The following NEBL variants were observed in gnomAD, a reference collection of about 807,000 sequenced individuals.
NEBL encodes LIM and SH3 protein 2.
Under a neutral mutation model 140.2 loss-of-function variants are expected in NEBL, and 122 were observed. The observed-to-expected ratio is 0.87, with a 90% CI of 0.75 to 1.01. The LOEUF (loss-of-function observed/expected upper bound fraction) is 1.01. Among genes scored for constraint, NEBL ranks in the 50% least tolerant of loss-of-function variants. NEBL has a pLI of 0.00. For missense variants in NEBL, 1,365 were observed against 1,231.3 expected, an observed-to-expected ratio of 1.11 and a Z score of -1.62; for synonymous variants, 436 against 398.9, an observed-to-expected ratio of 1.09 and a Z score of -1.11.
chr10:21,021,422 T>C (rs1032295479), intron 2 of NEBL, among the ~76,000 whole-genome samples: 1 of 152,332 alleles, frequency 6.6e-6, no homozygotes, highest in East Asian at 1.9e-4. Context: ...AAGGCCCCCA[T>C]GGCCAGGCCT....
At chr10:21,234,918 A>G (rs1842328321) in intron 3 of NEBL, among the ~76,000 whole-genome samples, 1 of 152,232 alleles carries the variant, frequency 6.6e-6, no homozygotes, top group South Asian at 2.1e-4. Flanking sequence ...ACGGTGAGAT[A>G]TAACCAACAC....
At chr10:21,020,649 C>T (rs1838752365) in intron 2 of NEBL, among the ~76,000 whole-genome samples, 16 of 152,150 alleles carry the variant, frequency 1.1e-4, no homozygotes, top group Admixed American at 8.5e-4. Flanking sequence ...TTCTCTTGCC[C>T]GTTATAATGA....
intron 4 of NEBL, among the ~76,000 whole-genome samples, chr10:20,934,631 G>C (rs568255443): frequency 6.6e-6 from 1 of 152,080 alleles, no homozygotes; most frequent in African/African-American, 2.4e-5. Flanking sequence ...CACTGGATAC[G>C]AGAGGTGCTA....
chr10:21,053,064 T>A (rs1266323521), intron 2 of NEBL, among the ~76,000 whole-genome samples: 2 of 152,230 alleles, frequency 1.3e-5, no homozygotes, highest in Non-Finnish European at 2.9e-5. Context: ...AATGCCTTGA[T>A]TTGATCACTA....
chr10:21,196,144 C>T (rs375653583), intron 3 of NEBL, among the ~76,000 whole-genome samples: 25 of 151,956 alleles, frequency 1.6e-4, no homozygotes, highest in Admixed American at 1.4e-3. Context: ...GCTGGGATTA[C>T]AGGCACGCAC....
At chr10:21,004,564 C>A (rs756042214) in intron 3 of NEBL, among the ~76,000 whole-genome samples, 4 of 152,000 alleles carry the variant, frequency 2.6e-5, no homozygotes, top group Admixed American at 2.6e-4. Flanking sequence ...ACTAAAAATA[C>A]AAAAAATCAG....
intron 2 of NEBL, among the ~76,000 whole-genome samples, chr10:21,139,760 C>T (rs775940353): frequency 4.6e-5 from 7 of 152,058 alleles, no homozygotes; most frequent in African/African-American, 9.7e-5. Context: ...TGGGAAGGTA[C>T]GGAATTAAAT....
chr10:20,978,343 G>T (rs1387146310), intron 3 of NEBL, among the ~76,000 whole-genome samples: 6 of 151,760 alleles, frequency 4.0e-5, no homozygotes, highest in Admixed American at 1.3e-4. Context: ...CCGAAGAATA[G>T]AGAGCTTATT....
chr10:20,867,577 T>C (rs940549119), intron 7 of NEBL, among the ~76,000 whole-genome samples: 7 of 152,178 alleles, frequency 4.6e-5, no homozygotes, highest in Non-Finnish European at 8.8e-5. Flanking sequence ...TTTCTGGTCT[T>C]GCTTAAGAAC....
chr10:20,916,247 A>C (rs1207935848), intron 4 of NEBL, among the ~76,000 whole-genome samples: 1 of 152,230 alleles, frequency 6.6e-6, no homozygotes. Context: ...TCTGAAAAAC[A>C]ACTATACCTG....
Position 20,783,241 on chromosome 10 carries a change from C to A in NEBL, c.*2506G>T, listed in dbSNP as rs1835147049. 1 of 152,094 alleles carries A rather than the reference C, an allele frequency of 6.6e-6. No homozygotes were observed. The highest frequency in any genetic ancestry group is 2.1e-4 in the South Asian group (1 of 4,826). The allele number at this position is 152,094 out of a possible 1,614,324, so 9.4% of individuals were successfully genotyped here. The stretch of plus-strand genomic sequence containing the variant: ...TTATACATATAATTTTCCAATATTT[C>A]TCCTGAGATGCTTAACATCCTGACA... On this transcript the variant is annotated 3_prime_UTR_variant, in exon 28 of 28. Coordinates refer to ENST00000377122, the MANE Select transcript of NEBL (RefSeq NM_006393.3).
At chr10:21,068,808 A>C (rs1222255120) in intron 2 of NEBL, among the ~76,000 whole-genome samples, 1 of 152,238 alleles carries the variant, frequency 6.6e-6, no homozygotes, top group Non-Finnish European at 1.5e-5. Context: ...TGTAAATTTC[A>C]ATTTTTAAAG....
At chr10:21,029,259 G>A in intron 2 of NEBL, 1 of 1,579,018 alleles carries the variant, frequency 6.3e-7, no homozygotes, top group Non-Finnish European at 8.7e-7. Context: ...ATATCAACTG[G>A]AGCTTTCTTC....
intron 2 of NEBL, among the ~76,000 whole-genome samples, chr10:20,896,378 C>T (rs1588969759): frequency 6.6e-6 from 1 of 150,698 alleles, no homozygotes; most frequent in East Asian, 1.9e-4. Context: ...TAAAAAATGT[C>T]ACAACAAAAA....
chr10:21,112,090 A>G (rs543764283), intron 2 of NEBL, among the ~76,000 whole-genome samples: 5 of 152,358 alleles, frequency 3.3e-5, no homozygotes, highest in Admixed American at 1.3e-4. Flanking sequence ...TCAGGAAACA[A>G]CAGATGCTGG....
At chr10:20,821,033 T>C (rs1030459558) in intron 19 of NEBL, among the ~76,000 whole-genome samples, 11 of 152,162 alleles carry the variant, frequency 7.2e-5, no homozygotes, top group African/African-American at 2.7e-4. Context: ...CGCAGATTCT[T>C]GTGACCGGGT....
At chr10:20,854,646 C>A (rs902739589) in intron 9 of NEBL, among the ~76,000 whole-genome samples, 1 of 147,716 alleles carries the variant, frequency 6.8e-6, no homozygotes, top group African/African-American at 2.5e-5. Context: ...CTCACTGCAG[C>A]CTTGACCTCC....
intron 8 of NEBL, among the ~76,000 whole-genome samples, chr10:20,859,377 T>C (rs1843424849): frequency 1.3e-5 from 2 of 152,188 alleles, no homozygotes; most frequent in South Asian, 4.1e-4. Flanking sequence ...CTCAATTTCA[T>C]AGCCATAATT....
chr10:20,865,591 G>C (rs1317702823), intron 7 of NEBL, among the ~76,000 whole-genome samples: 1 of 152,094 alleles, frequency 6.6e-6, no homozygotes, highest in Admixed American at 6.6e-5. Flanking sequence ...GGGCGAAGTT[G>C]TAAGAGGCCA....
Sources: allele counts gnomAD v4.1 joint callset (sites outside exome capture counted in the v4.1 genomes callset), GRCh38; gene constraint gnomAD v4.1.1; transcripts MANE v1.5; gene names NCBI Gene and HGNC (gene_info 2026-07-23, HGNC 2026-07-21).